Variants in CARS1 observed in about 807,000 individuals in gnomAD.
CARS1 encodes cysteine--tRNA ligase, cytoplasmic.
Under a neutral mutation model 106.2 loss-of-function variants are expected in CARS1, and 48 were observed. That is an observed-to-expected ratio of 0.45 (90% confidence interval 0.36 to 0.57). The LOEUF (loss-of-function observed/expected upper bound fraction) is 0.57. CARS1 is among the 20% of genes least tolerant of loss of function. The pLI, the probability that CARS1 is intolerant of heterozygous loss-of-function variation, is 0.00. For missense variants in CARS1, 968 were observed against 1,057.2 expected (o/e 0.92, Z 1.17); for synonymous variants, 409 against 403.4 (o/e 1.01, Z -0.17).
chr11:3,017,010 CT>C lies in CARS1; in HGVS notation c.1917+95del, dbSNP rs760041823. On this transcript the variant is annotated intron_variant, in intron 16 of 22. Coordinates refer to ENST00000380525, the MANE Select transcript of CARS1 (RefSeq NM_001014437.3). This position sits in a 1 kb window ranked among gnomAD's most constrained non-coding sequence, Gnocchi z 4.9. ...GAGGTGCTGGGCACCAGGCACAGCA[CT>C]GGGGGGCACCAGAGGCCTCTGTTCT... The C allele has an allele frequency of 3.2e-5, 33 of 1,040,304 alleles. No homozygotes were observed. Among genetic ancestry groups the C allele is most frequent in the African/African-American group, 6.4e-5 (4 of 62,080 alleles). 64.4% of individuals were successfully genotyped at this position (1,040,304 alleles called of 1,614,324 possible).
chr11:3,055,184 G>A (rs575382688), intron 1 of CARS1: 36 of 553,136 alleles, frequency 6.5e-5, no homozygotes, highest in Admixed American at 2.2e-4. Context: ...TTTTTGAGAC[G>A]GAGTCTCGCT....
intron 13 of CARS1, 28 bp from the exon 14 acceptor site, chr11:3,018,539 C>A (rs773892828): frequency 6.2e-7 from 1 of 1,612,552 alleles, no homozygotes; most frequent in Non-Finnish European, 8.5e-7. Context: ...ACAGCCAACG[C>A]CCTTATTCTC....
rs141240726 is a variant in CARS1 at position 3,041,455 on chromosome 11, C to T, written c.367-471G>A. On this transcript the variant is annotated intron_variant, in intron 3 of 22. Coordinates refer to ENST00000380525, the MANE Select transcript of CARS1 (RefSeq NM_001014437.3). The surrounding 1 kb of genome is among the most constrained non-coding windows in gnomAD (Gnocchi z 4.9). ...AGGGTCAGTCCCTGTTGGGGGAGCGCGGCTTGGAGGCCAGGACCCCTGAAT... is the reference window on the plus strand; with the variant it reads ...AGGGTCAGTCCCTGTTGGGGGAGCGTGGCTTGGAGGCCAGGACCCCTGAAT... Among the ~76,000 whole-genome samples the T allele has an allele frequency of 2.4e-3, 369 of 152,226 alleles. 2 individuals are homozygous for T. Among genetic ancestry groups the T allele is most frequent in the Non-Finnish European group, 4.4e-3 (298 of 68,002 alleles).
chr11:3,055,301 G>A (rs999402295), intron 1 of CARS1, among the ~76,000 whole-genome samples: 19 of 152,238 alleles, frequency 1.2e-4, no homozygotes, highest in East Asian at 9.6e-4. Flanking sequence ...TCAGGCGCCC[G>A]CCACCGCGCC....
intron 7 of CARS1, among the ~76,000 whole-genome samples, chr11:3,033,093 C>T (rs935027258): frequency 5.3e-5 from 8 of 150,878 alleles, no homozygotes; most frequent in Non-Finnish European, 7.4e-5. Context: ...GAGAAACAGA[C>T]AAATTCATCA....
intron 10 of CARS1, among the ~76,000 whole-genome samples, chr11:3,024,449 A>AT (rs144630252): frequency 6.2e-4 from 94 of 151,324 alleles, no homozygotes; most frequent in East Asian, 4.5e-3. Context: ...TAAAAAAAAA[A>AT]TTTTTTTAAT....
Position 3,041,152 on chromosome 11 carries a change from T to C in CARS1, c.367-168A>G, listed in dbSNP as rs952504849. The C allele has an allele frequency of 3.4e-5, 37 of 1,086,702 alleles. No homozygotes were observed. The South Asian group carries it at 5.6e-4, about 17-fold the overall frequency. The allele number at this position is 1,086,702 out of a possible 1,614,324, so 67.3% of individuals were successfully genotyped here. On this transcript the variant is annotated intron_variant, in intron 3 of 22. Coordinates refer to ENST00000380525, the MANE Select transcript of CARS1 (RefSeq NM_001014437.3). The surrounding 1 kb of genome is among the most constrained non-coding windows in gnomAD (Gnocchi z 4.9). ...AGTCACAGTCTCAGTGGGAGCCCAG[T>C]GAGATGTACGGCACCTCCCACCAAC...
rs201037919 is a variant in CARS1 at position 3,042,139 on chromosome 11, T to G, written c.366+26A>C. 2.2e-5 allele frequency: 35 copies of G among 1,575,778 alleles called. No homozygotes were observed. In the African/African-American group the frequency reaches 4.4e-4, roughly 20 times the overall value. On this transcript the variant is annotated intron_variant, in intron 3 of 22. Transcript: ENST00000380525. ...CTCCTGCCTCCCCATTGTGTGCGTG[T>G]GCCACGGCATCTGTGTTCTCCTTAC... is the stretch of plus-strand genomic sequence containing the variant.
Position 3,038,177 on chromosome 11 carries a change from T to C in CARS1, c.674A>G (p.Glu225Gly). 6.2e-7 allele frequency: 1 copy of C among 1,614,092 alleles called. No individual in the cohort carries two copies. The highest frequency in any genetic ancestry group is 1.1e-5 in the South Asian group (1 of 91,082). Residue 225 changes from glutamate (E) to glycine (G), a missense_variant, in exon 7 of 23, where the codon GAG becomes GGG. Coordinates refer to ENST00000380525, the MANE Select transcript of CARS1 (RefSeq NM_001014437.3). This position sits in a 1 kb window ranked among gnomAD's most constrained non-coding sequence, Gnocchi z 4.0. ...CTGCTTTTTATCGGGATCCGTGGTC[T>C]CATTTAATTTTACTGAAAATGGCTG... is the stretch of plus-strand genomic sequence containing the variant. ...ALKPFSVKLN[E>G]TTDPDKKQML...
rs766200492 is a variant in CARS1, at chr11:3,017,132, C to T, written c.1891G>A (p.Ala631Thr). Residue 631 changes from alanine (A) to threonine (T), a missense_variant, in exon 16 of 23, where the codon GCC (alanine) becomes ACC (threonine). Ala to Thr is a moderately conservative substitution (Grantham distance 58). Transcript: ENST00000380525. The surrounding 1 kb of genome is among the most constrained non-coding windows in gnomAD (Gnocchi z 4.9). ...TTCAGCATATGGGTGAGGTACAGGG[C>T]GATGTTCTCCAGCAGAGCCTGGTTG... ...RPNQALLENI[A>T]LYLTHMLKIF... The T allele has an allele frequency of 2.5e-6, 4 of 1,613,866 alleles. No homozygotes were observed. The highest frequency in any genetic ancestry group is 1.3e-5 in the African/African-American group (1 of 74,908).
At position 3,046,337 on chromosome 11, in the gene CARS1, C is replaced by A. The variant is rs1427754019; in HGVS notation, c.274+1416G>T. Among the ~76,000 whole-genome samples, 1 of 152,216 alleles carries A rather than the reference C, an allele frequency of 6.6e-6. No homozygotes were observed. The highest frequency in any genetic ancestry group is 1.5e-5 in the Non-Finnish European group (1 of 68,040). On this transcript the variant is annotated intron_variant, in intron 2 of 22. Transcript: ENST00000380525. The surrounding 1 kb of genome is among the most constrained non-coding windows in gnomAD (Gnocchi z 5.8). ...CTTCACCCTCCCTAATCCTGCCCCC[C>A]TCTGGCTGTGTCTTGGAATGGCACA... is the stretch of plus-strand genomic sequence containing the variant.
At position 3,029,483 on chromosome 11, in the gene CARS1, A is replaced by G. The variant is rs1565069470; in HGVS notation, c.802-40T>C. ...ACAAAAATCCAGCAGCGGGCCACACACTTCACATGAGAACATCTCGTGCAG... is the reference window on the plus strand; with the variant it reads ...ACAAAAATCCAGCAGCGGGCCACACGCTTCACATGAGAACATCTCGTGCAG... On this transcript the variant is annotated intron_variant, in intron 7 of 22. Transcript: ENST00000380525. This position sits in a 1 kb window ranked among gnomAD's most constrained non-coding sequence, Gnocchi z 5.9. 1 of 1,605,426 alleles carries G rather than the reference A, an allele frequency of 6.2e-7. No homozygotes were observed. Among genetic ancestry groups the G allele is most frequent in the East Asian group, 2.2e-5 (1 of 44,774 alleles).
chr11:3,018,182 C>T, intron 14 of CARS1: 1 of 611,150 alleles, frequency 1.6e-6, no homozygotes, highest in Non-Finnish European at 2.9e-6. Flanking sequence ...AGGACGTGCA[C>T]TGCAGTGACT....
At chr11:3,007,310 G>A in intron 18 of CARS1, 1 of 347,252 alleles carries the variant, frequency 2.9e-6, no homozygotes, top group Non-Finnish European at 5.3e-6. Flanking sequence ...GGGGTGGGAG[G>A]GTCAGGACAG....
At position 3,052,428 on chromosome 11, in the gene CARS1, T is replaced by C. The variant is rs1855792296; in HGVS notation, c.26-4427A>G. Among the ~76,000 whole-genome samples, 1 of 152,234 alleles carries C rather than the reference T, an allele frequency of 6.6e-6. No individual in the cohort carries two copies. On this transcript the variant is annotated intron_variant, in intron 1 of 22. Coordinates refer to ENST00000380525, the MANE Select transcript of CARS1 (RefSeq NM_001014437.3). This position sits in a 1 kb window ranked among gnomAD's most constrained non-coding sequence, Gnocchi z 4.6. ...TCTGGTATTATTAATGTTATTGTAA[T>C]AGCCGCATGCTACACACAGAGAATT...
In CARS1 at chr11:3,019,067, G is replaced by T; in HGVS notation, c.1395+72C>A. The T allele has an allele frequency of 6.8e-7, 1 of 1,464,876 alleles. No individual in the cohort carries two copies. The highest frequency in any genetic ancestry group is 1.4e-5 in the African/African-American group (1 of 70,836). The allele number at this position is 1,464,876 out of a possible 1,614,324, so 90.7% of individuals were successfully genotyped here. On this transcript the variant is annotated intron_variant, in intron 12 of 22. Transcript: ENST00000380525. This position sits in a 1 kb window ranked among gnomAD's most constrained non-coding sequence, Gnocchi z 6.2. Reference sequence around the variant, plus strand: ...TGAGAGAGGCCCTTCTGAGGCCTGGGCTGACTTTTCCTCCACTGCAGTATG... The same window carrying T: ...TGAGAGAGGCCCTTCTGAGGCCTGGTCTGACTTTTCCTCCACTGCAGTATG...
chr11:3,029,231 T>C lies in CARS1; in HGVS notation c.942+72A>G. On this transcript the variant is annotated intron_variant, in intron 8 of 22. Coordinates refer to ENST00000380525, the MANE Select transcript of CARS1 (RefSeq NM_001014437.3). This position sits in a 1 kb window ranked among gnomAD's most constrained non-coding sequence, Gnocchi z 5.9. The stretch of plus-strand genomic sequence containing the variant: ...CTTGGCCGCTTAATTGAGCTGGCCT[T>C]GCCAAAACAGGAATTTAGAAATCAG... 1.3e-6 allele frequency: 2 copies of C among 1,569,810 alleles called. No individual in the cohort carries two copies. The highest frequency in any genetic ancestry group is 1.8e-6 in the Non-Finnish European group (2 of 1,142,480).
intron 7 of CARS1, among the ~76,000 whole-genome samples, chr11:3,032,274 T>C (rs917653675): frequency 6.6e-6 from 1 of 152,052 alleles, no homozygotes; most frequent in Non-Finnish European, 1.5e-5. Context: ...GGTTTCACCA[T>C]GTTGGCCGGG....
At position 3,028,578 on chromosome 11, in the gene CARS1, C is replaced by T; in HGVS notation, c.1031+418G>A. ...TATGATGGATTTGCCAACAAAAAGT[C>T]ACTAAAATCATAGCCAAGCGATAGA... On this transcript the variant is annotated intron_variant, in intron 9 of 22. Coordinates refer to ENST00000380525, the MANE Select transcript of CARS1 (RefSeq NM_001014437.3). The surrounding 1 kb of genome is among the most constrained non-coding windows in gnomAD (Gnocchi z 4.4). 3.8e-6 allele frequency: 1 copy of T among 260,260 alleles called. No homozygotes were observed. The highest frequency in any genetic ancestry group is 7.2e-6 in the Non-Finnish European group (1 of 139,302). The allele number at this position is 260,260 out of a possible 1,614,324, so 16.1% of individuals were successfully genotyped here.
Sources: gnomAD v4.1 joint callset for allele counts (sites outside exome capture counted in the v4.1 genomes callset) on GRCh38, gnomAD v4.1.1 for gene constraint, Gnocchi (gnomAD v3.1) non-coding constraint, MANE v1.5 for transcripts, NCBI Gene and HGNC (gene_info 2026-07-23, HGNC 2026-07-21) for gene names.